Variants in PROSER1 observed in about 807,000 individuals in gnomAD.
PROSER1 encodes the protein proline and serine rich 1.
PROSER1 carries 36 observed loss-of-function variants against 71.8 expected under a neutral mutation model. That is an observed-to-expected ratio of 0.50 (90% confidence interval 0.38 to 0.66). The LOEUF (loss-of-function observed/expected upper bound fraction) is 0.66. Among genes scored for constraint, PROSER1 ranks in the 30% least tolerant of loss-of-function variants. The pLI, the probability that PROSER1 is intolerant of heterozygous loss-of-function variation, is 0.00. For synonymous variants in PROSER1, 490 were observed against 452.4 expected, an observed-to-expected ratio of 1.08 and a Z score of -1.06; for missense variants, 1,107 against 1,135.0, an observed-to-expected ratio of 0.98 and a Z score of 0.35.
chr13:39,026,828 ACATTGGGT>A (rs1246365382), intron 5 of PROSER1, among the ~76,000 whole-genome samples: 1 of 152,158 alleles, frequency 6.6e-6, no homozygotes, highest in Non-Finnish European at 1.5e-5. Context: ...AAGTAACATG[ACATTGGGT>A]GGTCCAAAGA....
chr13:39,037,401 T>G lies in PROSER1; in HGVS notation c.-159A>C. The G allele has an allele frequency of 1.7e-6, 1 of 599,212 alleles. No individual in the cohort carries two copies. Among genetic ancestry groups the G allele is most frequent in the Non-Finnish European group, 3.0e-6 (1 of 333,926 alleles). The allele number at this position is 599,212 out of a possible 1,614,324, so 37.1% of individuals were successfully genotyped here. On this transcript the variant is annotated 5_prime_UTR_variant, in exon 1 of 13. Transcript: ENST00000352251. ...CGAAGAGGTAGAGAGTATTGCAAAC[T>G]TCGCAAAAAAAATTTCTAAAAATTG... is the stretch of plus-strand genomic sequence containing the variant.
At chr13:39,033,061 C>T (rs1870933662) in intron 2 of PROSER1, among the ~76,000 whole-genome samples, 1 of 152,134 alleles carries the variant, frequency 6.6e-6, no homozygotes, top group Non-Finnish European at 1.5e-5. Context: ...GCTGGGATTA[C>T]AGGCACCCGC....
intron 1 of PROSER1, 81 bp from the exon 2 acceptor site, chr13:39,034,277 C>G (rs1271558288): frequency 2.6e-6 from 3 of 1,167,256 alleles, no homozygotes; most frequent in Non-Finnish European, 3.5e-6. Flanking sequence ...TCTATCAAAA[C>G]TGCCCAAGCA....
chr13:39,010,092 C>G lies in PROSER1; in HGVS notation c.*1273G>C, dbSNP rs1869568678. 1 of 152,470 alleles carries G rather than the reference C, an allele frequency of 6.6e-6. No individual in the cohort carries two copies. Among genetic ancestry groups the G allele is most frequent in the Non-Finnish European group, 1.5e-5 (1 of 67,996 alleles). 9.4% of individuals were successfully genotyped at this position (152,470 alleles called of 1,614,324 possible). On this transcript the variant is annotated 3_prime_UTR_variant, in exon 13 of 13. Coordinates refer to ENST00000352251, the MANE Select transcript of PROSER1 (RefSeq NM_025138.5). ...TTGGATAAAAATGTTCAATAATTAA[C>G]TCTAGCACGTATACAAAATTAGAAA...
At chr13:39,027,329 T>G (rs752423380) in intron 5 of PROSER1, among the ~76,000 whole-genome samples, 7 of 152,078 alleles carry the variant, frequency 4.6e-5, no homozygotes, top group Non-Finnish European at 8.8e-5. Context: ...AAGTAGAAAT[T>G]TGGGGCCAAA....
intron 5 of PROSER1, chr13:39,026,610 ACTC>A: frequency 2.3e-6 from 1 of 429,908 alleles, no homozygotes; most frequent in Non-Finnish European, 4.1e-6. Context: ...GCTGCAACAG[ACTC>A]ATACAAAGAA....
intron 2 of PROSER1, among the ~76,000 whole-genome samples, chr13:39,033,876 C>G (rs1045943204): frequency 1.3e-5 from 2 of 152,072 alleles, no homozygotes; most frequent in African/African-American, 4.8e-5. Flanking sequence ...TGCCCAGAAC[C>G]ATAAACACTT....
chr13:39,017,353 C>CTTA, intron 10 of PROSER1, 147 bp downstream of exon 10: 1 of 629,274 alleles, frequency 1.6e-6, no homozygotes, highest in Middle Eastern at 2.6e-4. Flanking sequence ...CACTAGTAAA[C>CTTA]CACTTTTAAC....
In PROSER1 at chr13:39,023,128, A is replaced by C. The variant is rs1200935453; in HGVS notation, c.567T>G (p.Pro189=). The C allele has an allele frequency of 1.9e-6, 3 of 1,610,960 alleles. No individual in the cohort carries two copies. The Admixed American group carries it at 5.0e-5, about 27-fold the overall frequency. The change falls in exon 8 of 13, where the codon CCT becomes CCG. Residue 189 remains proline (P), a splice_region_variant and synonymous_variant. Transcript: ENST00000352251. ...GTTTATGTGGATTATATGTTGAAGGAGGCTAAAACATGGGGGAAAATACAG... is the reference window on the plus strand; with the variant it reads ...GTTTATGTGGATTATATGTTGAAGGCGGCTAAAACATGGGGGAAAATACAG... The part of the protein sequence containing the change: ...AARILGPSKP[P]PSTYNPHKPV...
chr13:39,017,675 C>A lies in PROSER1; in HGVS notation c.731-131G>T, dbSNP rs957259591. The A allele has an allele frequency of 8.5e-6, 5 of 585,770 alleles. 1 individual carries two copies. In the South Asian group the frequency reaches 1.1e-4, roughly 13 times the overall value. 36.3% of individuals were successfully genotyped at this position (585,770 alleles called of 1,614,324 possible). On this transcript the variant is annotated intron_variant, in intron 9 of 12. Transcript: ENST00000352251. ...TGGACTATGTTAGGAAAAAAATGTA[C>A]ACATATGGGAAAATAAATAAAAATA...
At position 39,023,301 on chromosome 13, in the gene PROSER1, G is replaced by C; in HGVS notation, c.565-171C>G. 3 of 543,816 alleles carry C rather than the reference G, an allele frequency of 5.5e-6. No individual in the cohort carries two copies. In the South Asian group the frequency reaches 8.1e-5, roughly 15 times the overall value. The allele number at this position is 543,816 out of a possible 1,614,324, so 33.7% of individuals were successfully genotyped here. A position where few individuals can be genotyped will look rare whatever the true frequency, so the allele number is the denominator to read the frequency against. Reference sequence around the variant, plus strand: ...GAAATTTCTTTGCTTTAATAAATGTGGTTGCTATTAAATTCCAAATGCAGA... The same window carrying C: ...GAAATTTCTTTGCTTTAATAAATGTCGTTGCTATTAAATTCCAAATGCAGA... On this transcript the variant is annotated intron_variant, in intron 7 of 12. Coordinates refer to ENST00000352251, the MANE Select transcript of PROSER1 (RefSeq NM_025138.5).
intron 9 of PROSER1, among the ~76,000 whole-genome samples, chr13:39,019,051 T>C (rs1870155358): frequency 6.6e-6 from 1 of 152,176 alleles, no homozygotes; most frequent in African/African-American, 2.4e-5. Flanking sequence ...TTCTTACACG[T>C]CATTTTCTAC....
At chr13:39,034,063 GCAGA>G (rs1392489174) in intron 2 of PROSER1, 64 bp downstream of exon 2, 9 of 1,128,886 alleles carry the variant, frequency 8.0e-6, no homozygotes, top group South Asian at 7.0e-5. Flanking sequence ...AATTCGGCCA[GCAGA>G]CAGACATTAA....
chr13:39,013,414 C>T lies in PROSER1; in HGVS notation c.1838G>A (p.Ser613Asn), dbSNP rs1228401144. The stretch of plus-strand genomic sequence containing the variant: ...ACCTTTGAAGGCCGAGGGAGTAGGA[C>T]TTGTGGGCTCAGTTTTGATCATAAC... ...LPVMIKTEPT[S>N]PTPSAFKGPS... Residue 613 changes from serine to asparagine, a missense_variant, in exon 11 of 13, where the codon AGT becomes AAT. Coordinates refer to ENST00000352251, the MANE Select transcript of PROSER1 (RefSeq NM_025138.5). The T allele has an allele frequency of 1.2e-6, 2 of 1,613,992 alleles. No homozygotes were observed. The highest frequency in any genetic ancestry group is 1.7e-6 in the Non-Finnish European group (2 of 1,180,044).
At chr13:39,027,808 C>T (rs950733245) in intron 5 of PROSER1, among the ~76,000 whole-genome samples, 2 of 152,158 alleles carry the variant, frequency 1.3e-5, no homozygotes, top group Non-Finnish European at 2.9e-5. Flanking sequence ...AGATTTTTAA[C>T]TAATAAACTG....
At chr13:39,035,964 G>A (rs1227170313) in intron 1 of PROSER1, among the ~76,000 whole-genome samples, 4 of 152,104 alleles carry the variant, frequency 2.6e-5, no homozygotes, top group Non-Finnish European at 5.9e-5. Context: ...TTTCATATCT[G>A]GAAAATTTCC....
In PROSER1 at chr13:39,012,922, G is replaced by A; in HGVS notation, c.2330C>T (p.Thr777Ile). 1.9e-6 allele frequency: 3 copies of A among 1,614,164 alleles called. No individual in the cohort carries two copies. The highest frequency in any genetic ancestry group is 2.5e-6 in the Non-Finnish European group (3 of 1,180,014). The change falls in exon 11 of 13, where the codon ACT (threonine) becomes ATT (isoleucine). Residue 777 changes from threonine (T) to isoleucine (I), a missense_variant. Coordinates refer to ENST00000352251, the MANE Select transcript of PROSER1 (RefSeq NM_025138.5). ...STAVPSLFSV[T>I]QGPLSSSNPS... ...ATTTGAAGATGACAGAGGTCCTTGA[G>A]TAACAGAGAAAAGTGAGGGAACAGC...
At chr13:39,023,371 C>G (rs114302696) in intron 7 of PROSER1, 1 of 417,434 alleles carries the variant, frequency 2.4e-6, no homozygotes, top group Non-Finnish European at 4.4e-6. Context: ...TTTTTAAAAT[C>G]ATCTCCAATA....
At chr13:39,011,914 G>A (rs12428445) in intron 12 of PROSER1, among the ~76,000 whole-genome samples, 169 bp downstream of exon 12, 27,076 of 152,138 alleles carry the variant, frequency 0.18, 2,610 homozygotes, top group South Asian at 0.27. Context: ...AAGAAGACAA[G>A]CAAAATTTGC....
Sources: gnomAD v4.1 joint callset for allele counts (sites outside exome capture counted in the v4.1 genomes callset) on GRCh38, gnomAD v4.1.1 for gene constraint, MANE v1.5 for transcripts, NCBI Gene and HGNC (gene_info 2026-07-23, HGNC 2026-07-21) for gene names.